Variants in CUX1 observed in about 807,000 individuals in gnomAD.
The protein encoded by CUX1 is cut like homeobox 1, also known as protein CASP.
CUX1 carries 31 observed loss-of-function variants against 158.8 expected under a neutral mutation model. That is an observed-to-expected ratio of 0.20 (90% confidence interval 0.15 to 0.26). The LOEUF (loss-of-function observed/expected upper bound fraction) is 0.26. Ranked by LOEUF, CUX1 falls within the 10% of genes least tolerant of loss-of-function variation. The pLI, the probability that CUX1 is intolerant of heterozygous loss-of-function variation, is 1.00. For synonymous variants in CUX1, 879 were observed against 862.1 expected, an observed-to-expected ratio of 1.02 and a Z score of -0.34; for missense variants, 1,589 against 2,014.6, an observed-to-expected ratio of 0.79 and a Z score of 4.04.
intron 20 of CUX1, among the ~76,000 whole-genome samples, chr7:102,207,903 G>A (rs1796116267): frequency 6.6e-6 from 1 of 152,138 alleles, no homozygotes; most frequent in Non-Finnish European, 1.5e-5. Context: ...TACTTTTCAA[G>A]GGAGTTTCAC....
In CUX1 at chr7:102,174,058, G is replaced by A. The variant is rs1019487864; in HGVS notation, c.828+3508G>A. On this transcript the variant is annotated intron_variant, in intron 10 of 23. Coordinates refer to ENST00000292535, the MANE Select transcript of CUX1 (RefSeq NM_181552.4). ...GAATCTCCGATTCTAGAAGGTGAGC[G>A]GTCACTGAGTGAGCTGCTGGCCCAA... is the stretch of plus-strand genomic sequence containing the variant. Among the ~76,000 whole-genome samples the A allele has an allele frequency of 4.6e-5, 7 of 152,092 alleles. No individual in the cohort carries two copies. In the East Asian group the frequency reaches 5.8e-4, roughly 13 times the overall value.
chr7:101,862,286 C>T (rs1797538139), intron 1 of CUX1, among the ~76,000 whole-genome samples: 1 of 151,662 alleles, frequency 6.6e-6, no homozygotes, highest in Non-Finnish European at 1.5e-5. Context: ...GGGTGTGTGG[C>T]GGGAAGGTCA....
chr7:102,261,650 G>C (rs868984390), downstream of CUX1, among the ~76,000 whole-genome samples: 21 of 152,130 alleles, frequency 1.4e-4, 1 homozygote, highest in Middle Eastern at 6.8e-3. Flanking sequence ...TGTTCAGGGA[G>C]GCGTCAGTGT....
At chr7:101,899,102 T>G (rs1412714124) in intron 1 of CUX1, among the ~76,000 whole-genome samples, 1 of 152,208 alleles carries the variant, frequency 6.6e-6, no homozygotes, top group East Asian at 1.9e-4. Context: ...TTGCTTCCTG[T>G]TGCTGCATGG....
downstream of CUX1, among the ~76,000 whole-genome samples, chr7:102,261,339 C>A (rs1790384942): frequency 6.6e-6 from 1 of 151,926 alleles, no homozygotes; most frequent in Non-Finnish European, 1.5e-5. Context: ...ACTAAAAATA[C>A]AAAAATTAGC....
At chr7:102,040,815 G>A (rs1327291854) in intron 3 of CUX1, among the ~76,000 whole-genome samples, 2 of 152,254 alleles carry the variant, frequency 1.3e-5, no homozygotes, top group Admixed American at 6.5e-5. Context: ...CCTTGGGTGA[G>A]TCTCGGGGCC....
chr7:102,054,462 A>T (rs1168337495), intron 3 of CUX1, among the ~76,000 whole-genome samples: 1 of 152,094 alleles, frequency 6.6e-6, no homozygotes, highest in East Asian at 1.9e-4. Flanking sequence ...AAATCAGTTG[A>T]TCATAATATG....
chr7:101,864,615 A>C (rs1386509512), intron 1 of CUX1, among the ~76,000 whole-genome samples: 1 of 152,086 alleles, frequency 6.6e-6, no homozygotes, highest in African/African-American at 2.4e-5. Flanking sequence ...CAGGGGTGCT[A>C]TCTTGGCTCA....
chr7:101,941,177 C>A (rs997113386), intron 2 of CUX1, among the ~76,000 whole-genome samples: 2 of 152,154 alleles, frequency 1.3e-5, no homozygotes, highest in Non-Finnish European at 2.9e-5. Context: ...GATGGAGCCT[C>A]GGACCTGACA....
chr7:101,986,937 T>A (rs1292398196), intron 2 of CUX1, among the ~76,000 whole-genome samples: 1 of 152,078 alleles, frequency 6.6e-6, no homozygotes, highest in Non-Finnish European at 1.5e-5. Flanking sequence ...CTGGAAGCCG[T>A]GGGGATGTGG....
intron 2 of CUX1, among the ~76,000 whole-genome samples, chr7:101,931,170 A>C (rs1208347450): frequency 6.6e-6 from 1 of 152,114 alleles, no homozygotes; most frequent in East Asian, 1.9e-4. Context: ...ATTCCTATTG[A>C]TCTTACCTGT....
intron 22 of CUX1, chr7:102,282,788 C>G: frequency 6.2e-7 from 1 of 1,608,946 alleles, no homozygotes; most frequent in Non-Finnish European, 8.5e-7. Flanking sequence ...TGAGGACCCC[C>G]ACTTGGGCCC....
chr7:102,160,952 A>C (rs1187926474), intron 9 of CUX1, among the ~76,000 whole-genome samples: 2 of 152,220 alleles, frequency 1.3e-5, no homozygotes, highest in Non-Finnish European at 2.9e-5. Flanking sequence ...GTTTGCCACG[A>C]TTTAAAATAT....
At chr7:102,205,019 A>G in intron 19 of CUX1, 95 bp from the exon 20 acceptor site, 1 of 873,124 alleles carries the variant, frequency 1.1e-6, no homozygotes, top group Non-Finnish European at 1.9e-6. Flanking sequence ...CCCAGGAGGA[A>G]TGGGAAGCCT....
At chr7:101,836,502 CAACA>C (rs1006915191) in intron 1 of CUX1, among the ~76,000 whole-genome samples, 2 of 151,840 alleles carry the variant, frequency 1.3e-5, no homozygotes, top group African/African-American at 2.4e-5. Context: ...CCTTGCTCAG[CAACA>C]AGGGACCCCC....
intron 5 of CUX1, among the ~76,000 whole-genome samples, chr7:102,101,838 G>A (rs1355988891): frequency 1.3e-5 from 2 of 151,982 alleles, no homozygotes; most frequent in African/African-American, 2.4e-5. Context: ...TGTGAACCTG[G>A]GAGGCAGAGG....
At chr7:102,185,820 C>G (rs1793564253) in intron 11 of CUX1, among the ~76,000 whole-genome samples, 1 of 152,174 alleles carries the variant, frequency 6.6e-6, no homozygotes, top group South Asian at 2.1e-4. Flanking sequence ...ATCTCACTTC[C>G]TCCCTGCAGG....
chr7:101,914,199 C>T (rs1803856530), intron 1 of CUX1, among the ~76,000 whole-genome samples: 2 of 152,142 alleles, frequency 1.3e-5, no homozygotes, highest in Non-Finnish European at 2.9e-5. Flanking sequence ...GACTTGTTTG[C>T]CCAAGATGTG....
Position 102,080,831 on chromosome 7 carries a change from T to C in CUX1, c.268+10414T>C, listed in dbSNP as rs138584519. Among the ~76,000 whole-genome samples, 13 of 152,260 alleles carry C rather than the reference T, an allele frequency of 8.5e-5. No homozygotes were observed. In the East Asian group the frequency reaches 2.5e-3, roughly 29 times the overall value. On this transcript the variant is annotated intron_variant, in intron 4 of 23. Coordinates refer to ENST00000292535, the MANE Select transcript of CUX1 (RefSeq NM_181552.4). ...CTTCCTTCAGAGTGATCCGAAGAAC[T>C]CAAAGCAAAATGTTTGCATTAAAGT...
Sources: gnomAD v4.1 joint callset for allele counts (sites outside exome capture counted in the v4.1 genomes callset) on GRCh38, gnomAD v4.1.1 for gene constraint, MANE v1.5 for transcripts, NCBI Gene and HGNC (gene_info 2026-07-23, HGNC 2026-07-21) for gene names.